The following DUOX2 variants were observed in gnomAD, a reference collection of about 807,000 sequenced individuals.
DUOX2 encodes NADH/NADPH thyroid oxidase p138-tox.
Under a neutral mutation model 183.3 loss-of-function variants are expected in DUOX2, and 185 were observed. The observed-to-expected ratio is 1.01, with a 90% CI of 0.90 to 1.14. The LOEUF (loss-of-function observed/expected upper bound fraction) is 1.14. Among genes scored for constraint, DUOX2 ranks in the 50% most tolerant of loss-of-function variants. DUOX2 has a pLI of 0.00. For missense variants in DUOX2, 1,999 were observed against 2,022.9 expected, an observed-to-expected ratio of 0.99 and a Z score of 0.23; for synonymous variants, 788 against 812.4, an observed-to-expected ratio of 0.97 and a Z score of 0.51.
In DUOX2 at chr15:45,110,443, G is replaced by A. The variant is rs1894349843; in HGVS notation, c.1025C>T (p.Pro342Leu). ...CCTCCCTCACCTCATGTAGACACCAGGGGGCACCATGGTAGAGAAGAACTG... is the reference window on the plus strand; with the variant it reads ...CCTCCCTCACCTCATGTAGACACCAAGGGGCACCATGGTAGAGAAGAACTG... Reference protein sequence around the residue: ...SEQFFSTMVPPGVYMRNASCH... With the variant: ...SEQFFSTMVPLGVYMRNASCH... Residue 342 changes from proline to leucine, a missense_variant, in exon 9 of 34, where the codon CCT becomes CTT. Physicochemically the swap from Pro to Leu is moderately conservative, Grantham distance 98 (BLOSUM62 -3). Transcript: ENST00000389039. The A allele has an allele frequency of 6.2e-7, 1 of 1,613,790 alleles. No individual in the cohort carries two copies. Among genetic ancestry groups the A allele is most frequent in the Non-Finnish European group, 8.5e-7 (1 of 1,179,766 alleles).
rs1286163934 is a variant in DUOX2 at position 45,106,979 on chromosome 15, A to C, written c.1694-10T>G. ...TGAGGGCAGGGTGCACCTGAGGGAG[A>C]GGGCAGGGAAGACCTCAAAGTCTGA... On this transcript the variant is annotated splice_polypyrimidine_tract_variant and intron_variant, in intron 14 of 33. Coordinates refer to ENST00000389039, the MANE Select transcript of DUOX2 (RefSeq NM_001363711.2). 2.5e-6 allele frequency: 4 copies of C among 1,569,946 alleles called. No homozygotes were observed. Among genetic ancestry groups the C allele is most frequent in the Non-Finnish European group, 3.5e-6 (4 of 1,156,906 alleles).
chr15:45,100,649 A>G, intron 23 of DUOX2, 106 bp downstream of exon 23: 1 of 955,920 alleles, frequency 1.0e-6, no homozygotes, highest in Non-Finnish European at 1.7e-6. Flanking sequence ...AAATGGAATG[A>G]GACTCAGGAT....
Position 45,111,761 on chromosome 15 carries a change from G to A in DUOX2, c.513+7C>T, listed in dbSNP as rs767338752. The A allele has an allele frequency of 2.5e-6, 4 of 1,582,716 alleles. No individual in the cohort carries two copies. In the South Asian group the frequency reaches 4.6e-5, roughly 18 times the overall value. On this transcript the variant is annotated splice_region_variant and intron_variant, in intron 5 of 33. Transcript: ENST00000389039. ...GCGGTCCCTTCCCGCCGCCTTCCCCGCCTCACCAGGTCCCGGGGGTTGCTG... is the reference window on the plus strand; with the variant it reads ...GCGGTCCCTTCCCGCCGCCTTCCCCACCTCACCAGGTCCCGGGGGTTGCTG...
In DUOX2 at chr15:45,094,051, A is replaced by G; in HGVS notation, c.*99T>C. ...CTCTGCAGCCCTCCAGCTGAGGCCT[A>G]AGGTGGATTCTGATGGAGAGATTGC... is the stretch of plus-strand genomic sequence containing the variant. On this transcript the variant is annotated 3_prime_UTR_variant, in exon 34 of 34. Coordinates refer to ENST00000389039, the MANE Select transcript of DUOX2 (RefSeq NM_001363711.2). 1 of 1,549,348 alleles carries G rather than the reference A, an allele frequency of 6.5e-7. No homozygotes were observed. Among genetic ancestry groups the G allele is most frequent in the Admixed American group, 1.7e-5 (1 of 59,858 alleles).
chr15:45,094,868 G>T (rs1440657304), intron 32 of DUOX2, 68 bp downstream of exon 32: 2 of 1,606,202 alleles, frequency 1.2e-6, no homozygotes, highest in African/African-American at 2.7e-5. Flanking sequence ...ACCTGCCCTG[G>T]CCATCCTGCC....
In DUOX2 at chr15:45,105,828, C is replaced by G. The variant is rs762337913; in HGVS notation, c.2149G>C (p.Val717Leu). The part of the protein sequence containing the change: ...LLKIPKEYDL[V>L]LLFSSEEERG... ...TCCTCTTCAGAACTAAACAGCAGCA[C>G]CTGGGTGGGAGGAAGGCGGCACTGA... Residue 717 changes from valine (V) to leucine (L), a missense_variant and splice_region_variant, in exon 18 of 34, where the codon GTG becomes CTG. Physicochemically the swap from Val to Leu is conservative, Grantham distance 32 (BLOSUM62 1). Transcript: ENST00000389039. 7 of 1,613,930 alleles carry G rather than the reference C, an allele frequency of 4.3e-6. No homozygotes were observed. Among genetic ancestry groups the G allele is most frequent in the Non-Finnish European group, 5.1e-6 (6 of 1,180,016 alleles).
At chr15:45,098,797 G>C (rs902923590) in intron 26 of DUOX2, among the ~76,000 whole-genome samples, 11 of 151,632 alleles carry the variant, frequency 7.3e-5, no homozygotes, top group Non-Finnish European at 1.5e-5. Flanking sequence ...TAAAACTCCT[G>C]GGCTCAAGCA....
chr15:45,110,501 T>TG lies in DUOX2; in HGVS notation c.966dup (p.Ser323GlnfsTer11). 1 of 1,614,058 alleles carries TG rather than the reference T, an allele frequency of 6.2e-7. No individual in the cohort carries two copies. The highest frequency in any genetic ancestry group is 2.2e-5 in the East Asian group (1 of 44,866). On this transcript the variant is annotated frameshift_variant, in exon 9 of 34. Transcript: ENST00000389039. LOFTEE classifies it high-confidence loss of function. ...GCCACCACAAATTCCGGGGAGATGCTGGGGTCTAGGAAAGGACGGTATCCT... is the reference window on the plus strand; with the variant it reads ...GCCACCACAAATTCCGGGGAGATGCTGGGGGTCTAGGAAAGGACGGTATCCT...
Position 45,108,409 on chromosome 15 carries a change from G to A in DUOX2, c.1399-187C>T, listed in dbSNP as rs1284774994. On this transcript the variant is annotated intron_variant, in intron 12 of 33. Coordinates refer to ENST00000389039, the MANE Select transcript of DUOX2 (RefSeq NM_001363711.2). ...GAAGGATCAGTGTGTCCCTACCCAC[G>A]GTAACACCACGGTCAGGTGCCCTAG... The A allele has an allele frequency of 4.7e-5, 33 of 696,148 alleles. No individual in the cohort carries two copies. The East Asian group carries it at 6.3e-4, about 13-fold the overall frequency. The allele number at this position is 696,148 out of a possible 1,614,324, so 43.1% of individuals were successfully genotyped here. A position where few individuals can be genotyped will look rare whatever the true frequency, so the allele number is the denominator to read the frequency against.
Position 45,113,216 on chromosome 15 carries a change from C to G in DUOX2, c.70+126G>C, listed in dbSNP as rs75354193. 24 of 1,449,084 alleles carry G rather than the reference C, an allele frequency of 1.7e-5. No homozygotes were observed. The Admixed American group carries it at 4.5e-4, about 27-fold the overall frequency. 89.8% of individuals were successfully genotyped at this position (1,449,084 alleles called of 1,614,324 possible). On this transcript the variant is annotated intron_variant, in intron 2 of 33. Coordinates refer to ENST00000389039, the MANE Select transcript of DUOX2 (RefSeq NM_001363711.2). ...GTGTCGGGCCGCACTGGGAAGTTTC[C>G]CATCCCGCTGAGCTGCACGGCGAAA... is the stretch of plus-strand genomic sequence containing the variant.
rs1310315580 is a variant in DUOX2, at chr15:45,107,247, C to T, written c.1693+98G>A. 9 of 1,492,502 alleles carry T rather than the reference C, an allele frequency of 6.0e-6. No homozygotes were observed. In the South Asian group the frequency reaches 6.8e-5, roughly 11 times the overall value. 92.5% of individuals were successfully genotyped at this position (1,492,502 alleles called of 1,614,324 possible). ...GCCTCCTAGCCCAACACAGAAGGTG[C>T]CTGGCTCCCTGGACAGCACCAAGTG... On this transcript the variant is annotated intron_variant, in intron 14 of 33. Coordinates refer to ENST00000389039, the MANE Select transcript of DUOX2 (RefSeq NM_001363711.2).
chr15:45,097,505 T>A, intron 28 of DUOX2, 109 bp downstream of exon 28: 1 of 1,612,370 alleles, frequency 6.2e-7, no homozygotes, highest in Non-Finnish European at 8.5e-7. Flanking sequence ...TCTGGGGTCT[T>A]AAATCTCAAA....
chr15:45,097,955 T>G, intron 27 of DUOX2, 54 bp downstream of exon 27: 1 of 1,584,922 alleles, frequency 6.3e-7, no homozygotes, highest in Admixed American at 1.7e-5. Context: ...CACAGAGAGA[T>G]GGAGACAAAA....
Position 45,101,276 on chromosome 15 carries a change from T to C in DUOX2, c.2852-2A>G, listed in dbSNP as rs1362576530. ...TTTGTTTAAAGATATCTCTAATACC[T>C]AGAGAAAAGAACAAGAGGCAGGACT... On this transcript the variant is annotated splice_acceptor_variant, in intron 21 of 33. Transcript: ENST00000389039. LOFTEE classifies it high-confidence loss of function. The C allele has an allele frequency of 1.9e-6, 3 of 1,612,382 alleles. No homozygotes were observed. Among genetic ancestry groups the C allele is most frequent in the Admixed American group, 1.7e-5 (1 of 59,900 alleles).
rs759931529 is a variant in DUOX2, at chr15:45,094,698, G to A, written c.4396-7C>T. 6 of 1,613,778 alleles carry A rather than the reference G, an allele frequency of 3.7e-6. No homozygotes were observed. Among genetic ancestry groups the A allele is most frequent in the Admixed American group, 1.7e-5 (1 of 59,978 alleles). On this transcript the variant is annotated splice_polypyrimidine_tract_variant and splice_region_variant and intron_variant, in intron 32 of 33. Coordinates refer to ENST00000389039, the MANE Select transcript of DUOX2 (RefSeq NM_001363711.2). ...AGTGCCGCTCGCAGATGTACTGGGG[G>A]CACAGGGGCAGGTCAGACCAAAGAC...
intron 32 of DUOX2, 115 bp from the exon 33 acceptor site, chr15:45,094,806 G>T (rs1893858792): frequency 1.3e-6 from 2 of 1,594,852 alleles, no homozygotes; most frequent in Admixed American, 3.4e-5. Flanking sequence ...GGAGGCTGAG[G>T]ATCAGGCCAT....
Position 45,105,739 on chromosome 15 carries a change from C to G in DUOX2, c.2238G>C (p.Val746=), listed in dbSNP as rs1894193744. The stretch of plus-strand genomic sequence containing the variant: ...ATAGCTCCTTCTCGCTCATCTCAGC[C>G]ACATGGAGGCCCAGAGCCCAGCGCA... ...FCVRWALGLH[V]AEMSEKELFR... The change falls in exon 18 of 34, where the codon GTG becomes GTC. Residue 746 remains valine (V), a synonymous_variant. Coordinates refer to ENST00000389039, the MANE Select transcript of DUOX2 (RefSeq NM_001363711.2). 1 of 1,614,250 alleles carries G rather than the reference C, an allele frequency of 6.2e-7. No individual in the cohort carries two copies. Among genetic ancestry groups the G allele is most frequent in the Non-Finnish European group, 8.5e-7 (1 of 1,180,046 alleles).
At chr15:45,107,934 G>T in intron 13 of DUOX2, 113 bp downstream of exon 13, 2 of 1,164,474 alleles carry the variant, frequency 1.7e-6, no homozygotes, top group South Asian at 2.5e-5. Context: ...GTTGGGAAGG[G>T]TGTGGTGGGC....
rs372728124 is a variant in DUOX2, at chr15:45,095,063, T to C, written c.4268A>G (p.Gln1423Arg). 1.8e-5 allele frequency: 29 copies of C among 1,613,924 alleles called. No individual in the cohort carries two copies. The highest frequency in any genetic ancestry group is 2.4e-5 in the Non-Finnish European group (28 of 1,180,012). ...KIYFIWVTRTQRQFEWLADII... is the reference protein window; with the variant it reads ...KIYFIWVTRTRRQFEWLADII... ...GTCAGCCAGCCACTCAAACTGACGC[T>C]GGGTCCGTGTCACCCAGATGAAGTA... The change falls in exon 32 of 34, where the codon CAG (glutamine) becomes CGG (arginine). Residue 1423 changes from glutamine (Q) to arginine (R), a missense_variant. Physicochemically the swap from Gln to Arg is conservative, Grantham distance 43. This residue lies in a region of DUOX2 where 1,628 missense variants were observed against 1,608.6 expected (regional missense o/e 1.01). Transcript: ENST00000389039.
Sources: gnomAD v4.1 joint callset for allele counts (sites outside exome capture counted in the v4.1 genomes callset) on GRCh38, gnomAD v4.1.1 for gene constraint, gnomAD v4.1.1 regional missense constraint, MANE v1.5 for transcripts, NCBI Gene and HGNC (gene_info 2026-07-23, HGNC 2026-07-21) for gene names.